CTNNA3: variants seen among roughly 807,000 people sequenced by gnomAD.
CTNNA3 encodes the protein catenin alpha-3.
In CTNNA3, 76 loss-of-function variants were observed where a neutral mutation model predicts 95.7. That is an observed-to-expected ratio of 0.79 (90% CI 0.66 to 0.96). CTNNA3 has a LOEUF of 0.96. Ranked by LOEUF, CTNNA3 falls within the 40% of genes least tolerant of loss-of-function variation. The pLI, the probability that CTNNA3 is intolerant of heterozygous loss-of-function variation, is 0.00. For missense variants in CTNNA3, 1,191 were observed against 1,089.8 expected, an observed-to-expected ratio of 1.09 and a Z score of -1.31; for synonymous variants, 431 against 374.4, an observed-to-expected ratio of 1.15 and a Z score of -1.74.
chr10:65,943,747 C>T (rs2077466375), intron 17 of CTNNA3, among the ~76,000 whole-genome samples: 1 of 152,124 alleles, frequency 6.6e-6, no homozygotes, highest in African/African-American at 2.4e-5. Flanking sequence ...GTGCAATCTT[C>T]CCCCAGTTTT....
chr10:67,090,912 C>A (rs1024651931), intron 7 of CTNNA3, among the ~76,000 whole-genome samples: 2 of 151,974 alleles, frequency 1.3e-5, no homozygotes, highest in African/African-American at 4.8e-5. Flanking sequence ...CACTATTTAT[C>A]TCATATAGCA....
At chr10:66,861,708 T>C (rs755618150) in intron 7 of CTNNA3, among the ~76,000 whole-genome samples, 177 of 152,230 alleles carry the variant, frequency 1.2e-3, no homozygotes, top group Non-Finnish European at 1.4e-3. Context: ...TTTTGAGCTG[T>C]GTGGTGGTAG....
intron 10 of CTNNA3, among the ~76,000 whole-genome samples, chr10:66,542,786 T>C (rs1028512871): frequency 1.9e-4 from 29 of 151,576 alleles, no homozygotes; most frequent in African/African-American, 6.8e-4. Flanking sequence ...ATACCTAATG[T>C]AAATGATGAG....
Position 66,849,939 on chromosome 10 carries a change from T to C in CTNNA3, c.1048-74415A>G, listed in dbSNP as rs1366202785. ...TACTTTCAACATTCTTACATAGCCA[T>C]GAGTAAAAGCTGTGTATGGAAATTT... is the stretch of plus-strand genomic sequence containing the variant. On this transcript the variant is annotated intron_variant, in intron 7 of 17. Transcript: ENST00000433211. 2.0e-5 allele frequency among the ~76,000 whole-genome samples: 3 copies of C among 151,736 alleles called. No individual in the cohort carries two copies. In the East Asian group the frequency reaches 5.8e-4, roughly 30 times the overall value.
chr10:66,588,541 C>T (rs768862442), intron 10 of CTNNA3, among the ~76,000 whole-genome samples: 5 of 152,092 alleles, frequency 3.3e-5, no homozygotes, highest in African/African-American at 7.2e-5. Context: ...TATTTGACAT[C>T]ATTTGGGGGT....
At chr10:67,516,377 T>G (rs957425427) in intron 5 of CTNNA3, among the ~76,000 whole-genome samples, 1 of 152,176 alleles carries the variant, frequency 6.6e-6, no homozygotes, top group Non-Finnish European at 1.5e-5. Context: ...ACTCATCAAC[T>G]TTTTCTTCTC....
intron 11 of CTNNA3, among the ~76,000 whole-genome samples, chr10:66,426,429 CT>C (rs1262709839): frequency 6.6e-6 from 1 of 151,992 alleles, no homozygotes; most frequent in Non-Finnish European, 1.5e-5. Context: ...ATTTACTCTT[CT>C]TGCTGAAGAA....
chr10:67,278,319 G>A (rs919011775), intron 5 of CTNNA3, among the ~76,000 whole-genome samples: 2 of 152,164 alleles, frequency 1.3e-5, no homozygotes, highest in Non-Finnish European at 2.9e-5. Flanking sequence ...GAGGTCCAGA[G>A]AACATGTGCC....
intron 11 of CTNNA3, among the ~76,000 whole-genome samples, chr10:66,510,670 A>G (rs1181912515): frequency 6.6e-6 from 1 of 151,782 alleles, no homozygotes; most frequent in Non-Finnish European, 1.5e-5. Flanking sequence ...AAAATTTTAT[A>G]TTGTTAATGT....
intron 12 of CTNNA3, among the ~76,000 whole-genome samples, chr10:66,295,518 AG>A (rs2091764003): frequency 6.6e-6 from 1 of 152,190 alleles, no homozygotes; most frequent in Admixed American, 6.5e-5. Context: ...TTGCACATGT[AG>A]GGGGCTGGGA....
In CTNNA3 at chr10:67,428,579, A is replaced by G. The variant is rs564161271; in HGVS notation, c.579+93263T>C. 4.3e-4 allele frequency among the ~76,000 whole-genome samples: 65 copies of G among 152,172 alleles called. No homozygotes were observed. The South Asian group carries it at 6.2e-3, about 15-fold the overall frequency. The stretch of plus-strand genomic sequence containing the variant: ...TTACTAAAGTAGTTTCATTCCAAAC[A>G]TAAGTGACTGTGATGGTTAACACTG... On this transcript the variant is annotated intron_variant, in intron 5 of 17. Coordinates refer to ENST00000433211, the MANE Select transcript of CTNNA3 (RefSeq NM_013266.4).
At chr10:67,034,351 T>C (rs751462633) in intron 7 of CTNNA3, among the ~76,000 whole-genome samples, 1 of 152,200 alleles carries the variant, frequency 6.6e-6, no homozygotes, top group African/African-American at 2.4e-5. Context: ...CTCACACTTG[T>C]AAGTGATGAG....
chr10:66,659,181 A>AACAC (rs10565151), intron 9 of CTNNA3, among the ~76,000 whole-genome samples: 6,260 of 145,590 alleles, frequency 0.043, 157 homozygotes, highest in Non-Finnish European at 0.052. Context: ...TAATTAAGAA[A>AACAC]ACACACACAC....
At chr10:67,220,926 G>A (rs374890701) in intron 5 of CTNNA3, among the ~76,000 whole-genome samples, 1 of 152,034 alleles carries the variant, frequency 6.6e-6, no homozygotes, top group East Asian at 1.9e-4. Context: ...CTAATCATGA[G>A]AAAAGCAACA....
chr10:66,928,941 G>T (rs1043259596), intron 7 of CTNNA3, among the ~76,000 whole-genome samples: 23 of 152,154 alleles, frequency 1.5e-4, no homozygotes, highest in African/African-American at 5.1e-4. Flanking sequence ...TTACAGACAG[G>T]CAGAGCCTTT....
intron 13 of CTNNA3, among the ~76,000 whole-genome samples, chr10:66,178,544 T>A (rs2085866462): frequency 6.7e-6 from 1 of 148,704 alleles, no homozygotes; most frequent in African/African-American, 2.5e-5. Context: ...ATATATACCA[T>A]AAAAGGAAAA....
At chr10:67,156,080 T>C (rs1425379042) in intron 7 of CTNNA3, among the ~76,000 whole-genome samples, 1 of 152,144 alleles carries the variant, frequency 6.6e-6, no homozygotes, top group East Asian at 1.9e-4. Flanking sequence ...TTTGTTAGTG[T>C]AGAATTGTTC....
chr10:67,663,156 A>C (rs1589548522), intron 1 of CTNNA3, among the ~76,000 whole-genome samples: 1 of 152,264 alleles, frequency 6.6e-6, no homozygotes, highest in East Asian at 1.9e-4. Flanking sequence ...CTGTGTGTTC[A>C]GGTTATTCTC....
At chr10:66,534,355 C>A (rs1238593586) in intron 10 of CTNNA3, among the ~76,000 whole-genome samples, 1 of 151,804 alleles carries the variant, frequency 6.6e-6, no homozygotes, top group Non-Finnish European at 1.5e-5. Flanking sequence ...AAACAAAGTT[C>A]TTTATTACCA....
Sources: allele counts gnomAD v4.1 joint callset (sites outside exome capture counted in the v4.1 genomes callset), GRCh38; gene constraint gnomAD v4.1.1; transcripts MANE v1.5; gene names NCBI Gene and HGNC (gene_info 2026-07-23, HGNC 2026-07-21).